NUP210L: variants seen among roughly 807,000 people sequenced by gnomAD.
NUP210L encodes nucleoporin 210 like, also known as nuclear pore membrane glycoprotein 210-like.
In NUP210L, 74 loss-of-function variants were observed where a neutral mutation model predicts 208.5. That is an observed-to-expected ratio of 0.35 (90% CI 0.29 to 0.43). NUP210L has a LOEUF of 0.43. Among genes scored for constraint, NUP210L ranks in the 20% least tolerant of loss-of-function variants. NUP210L has a pLI of 1.00. For missense variants in NUP210L, 1,843 were observed against 2,289.4 expected (o/e 0.81, Z 3.98); for synonymous variants, 780 against 816.9 (o/e 0.95, Z 0.77).
At chr1:154,071,454 C>T (rs1047900574) in intron 16 of NUP210L, among the ~76,000 whole-genome samples, 4 of 150,518 alleles carry the variant, frequency 2.7e-5, no homozygotes, top group Non-Finnish European at 5.9e-5. Flanking sequence ...CTCCACCTTT[C>T]CCCCGAGTCC....
At chr1:154,128,577 A>G (rs1375633676) in intron 8 of NUP210L, among the ~76,000 whole-genome samples, 1 of 150,540 alleles carries the variant, frequency 6.6e-6, no homozygotes, top group Non-Finnish European at 1.5e-5. Flanking sequence ...TAGGCTGGGC[A>G]TGGTGGTTCA....
chr1:154,064,330 A>G (rs368028915), intron 17 of NUP210L, among the ~76,000 whole-genome samples: 20 of 152,224 alleles, frequency 1.3e-4, no homozygotes, highest in African/African-American at 4.3e-4. Context: ...CGAATGGGAC[A>G]TCAGCAAATA....
chr1:154,012,026 A>T (rs979750468), intron 34 of NUP210L, among the ~76,000 whole-genome samples: 11 of 152,108 alleles, frequency 7.2e-5, no homozygotes, highest in African/African-American at 2.2e-4. Flanking sequence ...TTGTATTTTT[A>T]AAACTAGAAA....
intron 10 of NUP210L, 113 bp from the exon 11 acceptor site, chr1:154,118,921 G>T (rs1329736016): frequency 3.9e-6 from 2 of 518,076 alleles, no homozygotes; most frequent in Non-Finnish European, 6.7e-6. Context: ...TACTCAACCA[G>T]TTTCTATCTA....
At chr1:154,052,817 C>T (rs910529300) in intron 25 of NUP210L, among the ~76,000 whole-genome samples, 2 of 152,230 alleles carry the variant, frequency 1.3e-5, no homozygotes, top group African/African-American at 4.8e-5. Flanking sequence ...AGAGATGCTG[C>T]ACAGTCATTA....
intron 33 of NUP210L, among the ~76,000 whole-genome samples, chr1:154,017,660 G>T (rs905181642): frequency 1.8e-4 from 27 of 150,710 alleles, no homozygotes; most frequent in African/African-American, 6.3e-4. Flanking sequence ...GGGATTACAG[G>T]TGTGTGCCAC....
intron 15 of NUP210L, 70 bp downstream of exon 15, chr1:154,094,865 G>T: frequency 9.0e-7 from 1 of 1,115,586 alleles, no homozygotes; most frequent in Non-Finnish European, 1.3e-6. Context: ...ATCTGAAAAG[G>T]AATGGCTGGA....
Position 154,136,138 on chromosome 1 carries a change from G to C in NUP210L, c.851-166C>G, listed in dbSNP as rs1044744425. 3.9e-5 allele frequency among the ~76,000 whole-genome samples: 6 copies of C among 152,158 alleles called. No homozygotes were observed. In the East Asian group the frequency reaches 7.7e-4, roughly 20 times the overall value. ...ATGAATTTCTACATGTAACCATTTG[G>C]GGGGAGTATATGAGTTAAAATATAT... On this transcript the variant is annotated intron_variant, in intron 6 of 39. Coordinates refer to ENST00000368559, the Ensembl canonical transcript of NUP210L.
chr1:154,099,271 C>T (rs921573908), intron 14 of NUP210L, among the ~76,000 whole-genome samples: 11 of 152,042 alleles, frequency 7.2e-5, no homozygotes, highest in Admixed American at 2.6e-4. Flanking sequence ...GGCCTGGGTC[C>T]GCAGTCATGA....
intron 25 of NUP210L, 105 bp from the exon 26 acceptor site, chr1:154,046,474 A>T: frequency 1.0e-6 from 1 of 955,206 alleles, no homozygotes; most frequent in Non-Finnish European, 1.6e-6. Flanking sequence ...ACATTCAGTA[A>T]AAAACCTTGC....
At chr1:154,040,882 C>A (rs1000994058) in intron 27 of NUP210L, among the ~76,000 whole-genome samples, 1 of 151,694 alleles carries the variant, frequency 6.6e-6, no homozygotes, top group African/African-American at 2.4e-5. Context: ...TGAGCCACCG[C>A]GCCCAGCCAG....
At chr1:154,017,669 A>C (rs1158109818) in intron 33 of NUP210L, among the ~76,000 whole-genome samples, 2 of 151,624 alleles carry the variant, frequency 1.3e-5, no homozygotes, top group African/African-American at 2.4e-5. Context: ...GGTGTGTGCC[A>C]CCACGCCCAG....
intron 27 of NUP210L, among the ~76,000 whole-genome samples, chr1:154,038,438 G>T (rs1652684245): frequency 6.6e-6 from 1 of 151,700 alleles, no homozygotes; most frequent in African/African-American, 2.4e-5. Context: ...TGCCTCCCAG[G>T]TTCAAGCGAT....
chr1:154,071,818 A>G (rs1400676692), intron 16 of NUP210L, among the ~76,000 whole-genome samples: 2 of 151,336 alleles, frequency 1.3e-5, no homozygotes, highest in African/African-American at 4.9e-5. Context: ...TTGTATTTTT[A>G]GTAGAGACGG....
intron 7 of NUP210L, among the ~76,000 whole-genome samples, chr1:154,135,361 T>C (rs1385595416): frequency 6.6e-6 from 1 of 152,142 alleles, no homozygotes; most frequent in Non-Finnish European, 1.5e-5. Context: ...ATTATGACAG[T>C]AATAACTTAT....
intron 37 of NUP210L, among the ~76,000 whole-genome samples, chr1:153,998,990 C>T (rs754050864): frequency 3.3e-5 from 5 of 152,092 alleles, no homozygotes; most frequent in East Asian, 1.9e-4. Flanking sequence ...GCTAGGATTA[C>T]AGGTGTGAGC....
chr1:154,135,700 C>T (rs889294472), intron 7 of NUP210L, 114 bp downstream of exon 7: 19 of 883,570 alleles, frequency 2.2e-5, no homozygotes, highest in African/African-American at 6.7e-5. Context: ...GAATTACAGG[C>T]GTGAGCCACC....
At chr1:154,067,285 C>T (rs1465406550) in intron 17 of NUP210L, among the ~76,000 whole-genome samples, 1 of 152,020 alleles carries the variant, frequency 6.6e-6, no homozygotes, top group Non-Finnish European at 1.5e-5. Flanking sequence ...AAGGCTGGTT[C>T]AACATACGCA....
At chr1:154,089,053 A>C (rs1447192553) in intron 16 of NUP210L, among the ~76,000 whole-genome samples, 1 of 152,184 alleles carries the variant, frequency 6.6e-6, no homozygotes, top group Non-Finnish European at 1.5e-5. Flanking sequence ...ATGTAGTCAG[A>C]TCTCAAGTGT....
Sources: gnomAD v4.1 joint callset for allele counts (sites outside exome capture counted in the v4.1 genomes callset) on GRCh38, gnomAD v4.1.1 for gene constraint, MANE v1.5 for transcripts, NCBI Gene and HGNC (gene_info 2026-07-23, HGNC 2026-07-21) for gene names.